The following GRID2 variants were observed in gnomAD, a reference collection of about 807,000 sequenced individuals.
GRID2 encodes the protein glutamate receptor ionotropic, delta-2.
Under a neutral mutation model 114.8 loss-of-function variants are expected in GRID2, and 33 were observed. The ratio of observed to expected loss-of-function variants is 0.29; its 90% CI spans 0.22 to 0.38. The LOEUF (loss-of-function observed/expected upper bound fraction) is 0.38, where lower values mean the gene tolerates loss of function less well. GRID2 is among the 10% of genes least tolerant of loss of function. GRID2 has a pLI of 1.00. For synonymous variants in GRID2, 505 were observed against 449.9 expected (o/e 1.12, Z -1.55); for missense variants, 1,184 against 1,257.7 (o/e 0.94, Z 0.89).
At chr4:92,822,362 C>T (rs899050544) in intron 2 of GRID2, 2 of 619,280 alleles carry the variant, frequency 3.2e-6, no homozygotes, top group Non-Finnish European at 3.1e-6. Context: ...GACTGTGTGG[C>T]CAAAGTGGTT....
chr4:92,783,434 G>T (rs1348062116), intron 2 of GRID2, among the ~76,000 whole-genome samples: 3 of 151,890 alleles, frequency 2.0e-5, no homozygotes, highest in Non-Finnish European at 2.9e-5. Context: ...ACATAATGAC[G>T]TAATAGAGGT....
At chr4:92,461,867 G>T (rs561066365) in intron 1 of GRID2, among the ~76,000 whole-genome samples, 1 of 152,046 alleles carries the variant, frequency 6.6e-6, no homozygotes, top group African/African-American at 2.4e-5. Flanking sequence ...TCCTAAGTGA[G>T]ATCTTCATCA....
intron 8 of GRID2, among the ~76,000 whole-genome samples, chr4:93,276,678 TGTGA>T (rs1752093593): frequency 1.3e-5 from 2 of 152,128 alleles, no homozygotes; most frequent in South Asian, 4.1e-4. Flanking sequence ...TTGATACTAT[TGTGA>T]GTGACATTGT....
chr4:92,868,058 TTCTTTCTTTCTGTCTGTCTGTCTG>T (rs1745016714), intron 2 of GRID2, among the ~76,000 whole-genome samples: 1 of 134,276 alleles, frequency 7.4e-6, no homozygotes, highest in South Asian at 2.5e-4. Flanking sequence ...CTTTCTTTCT[TTCTTTCTTTCTGTCTGTCTGTCTG>T]TCTGTCTTTC....
At chr4:93,701,093 G>C (rs914190927) in intron 14 of GRID2, among the ~76,000 whole-genome samples, 3 of 151,998 alleles carry the variant, frequency 2.0e-5, no homozygotes, top group African/African-American at 7.2e-5. Flanking sequence ...AGGAAGCTTT[G>C]TTCAGCCCAT....
intron 14 of GRID2, among the ~76,000 whole-genome samples, chr4:93,729,550 T>G (rs1450341181): frequency 6.6e-6 from 1 of 151,776 alleles, no homozygotes; most frequent in Admixed American, 6.5e-5. Context: ...GATAATCATT[T>G]TCTTTTTTTT....
chr4:92,739,209 A>T (rs1446880248), intron 2 of GRID2, among the ~76,000 whole-genome samples: 2 of 152,174 alleles, frequency 1.3e-5, no homozygotes, highest in Non-Finnish European at 2.9e-5. Flanking sequence ...ACAACTTTAG[A>T]TCATTACAGA....
At chr4:93,257,383 A>C (rs1749713923) in intron 8 of GRID2, among the ~76,000 whole-genome samples, 1 of 151,788 alleles carries the variant, frequency 6.6e-6, no homozygotes, top group Non-Finnish European at 1.5e-5. Context: ...ATTGGGTTTA[A>C]GATACCATTC....
intron 2 of GRID2, among the ~76,000 whole-genome samples, chr4:92,795,821 G>A (rs1323946634): frequency 1.3e-5 from 2 of 151,890 alleles, no homozygotes; most frequent in Non-Finnish European, 2.9e-5. Context: ...TCTCCATCAA[G>A]TTGTTTTCTG....
intron 12 of GRID2, among the ~76,000 whole-genome samples, chr4:93,501,443 T>C (rs1728098682): frequency 6.6e-6 from 1 of 152,080 alleles, no homozygotes; most frequent in Middle Eastern, 3.4e-3. Flanking sequence ...TAGGCTTAAC[T>C]CCAGAACACA....
intron 2 of GRID2, among the ~76,000 whole-genome samples, chr4:92,731,427 C>A (rs890722485): frequency 6.6e-6 from 1 of 151,872 alleles, no homozygotes; most frequent in African/African-American, 2.4e-5. Context: ...TCTGACTACT[C>A]TGAACCTTGG....
intron 9 of GRID2, among the ~76,000 whole-genome samples, chr4:93,400,138 A>C (rs911490133): frequency 1.3e-5 from 2 of 152,092 alleles, no homozygotes; most frequent in Non-Finnish European, 2.9e-5. Context: ...CCACTCTGAT[A>C]ATCTTCCTTC....
At chr4:93,703,767 T>C (rs1440984507) in intron 14 of GRID2, among the ~76,000 whole-genome samples, 3 of 151,564 alleles carry the variant, frequency 2.0e-5, no homozygotes, top group Admixed American at 1.3e-4. Context: ...GTCCTTGAGA[T>C]AGTTTGCTGA....
intron 8 of GRID2, among the ~76,000 whole-genome samples, chr4:93,246,985 G>C (rs148350399): frequency 1.3e-5 from 2 of 152,274 alleles, no homozygotes; most frequent in East Asian, 3.9e-4. Context: ...GTTACTCTGA[G>C]TTTCTGGAAG....
chr4:92,331,551 A>G (rs1726890657), intron 1 of GRID2, among the ~76,000 whole-genome samples: 1 of 152,208 alleles, frequency 6.6e-6, no homozygotes, highest in Non-Finnish European at 1.5e-5. Flanking sequence ...GAAAGGGAAT[A>G]CATGCAGACA....
At chr4:93,715,314 T>G (rs1245705547) in intron 14 of GRID2, among the ~76,000 whole-genome samples, 8 of 152,172 alleles carry the variant, frequency 5.3e-5, no homozygotes, top group Non-Finnish European at 1.5e-5. Context: ...ACCAGTACCA[T>G]GCTATTTTGG....
chr4:92,960,162 A>G (rs1194711438), intron 2 of GRID2, among the ~76,000 whole-genome samples: 3 of 152,012 alleles, frequency 2.0e-5, no homozygotes, highest in Non-Finnish European at 2.9e-5. Context: ...CAAATTTGTT[A>G]AAATATGTTT....
At chr4:93,580,129 A>G (rs2149592472) in intron 13 of GRID2, among the ~76,000 whole-genome samples, 1 of 152,368 alleles carries the variant, frequency 6.6e-6, no homozygotes, top group East Asian at 1.9e-4. Context: ...TTCAGTGAAT[A>G]TTGATGAAAA....
chr4:92,755,482 T>C (rs1467934946), intron 2 of GRID2, among the ~76,000 whole-genome samples: 1 of 152,126 alleles, frequency 6.6e-6, no homozygotes, highest in Non-Finnish European at 1.5e-5. Flanking sequence ...TGTCCTATTT[T>C]AAGTGGAGTT....
Sources: gnomAD v4.1 joint callset for allele counts (sites outside exome capture counted in the v4.1 genomes callset) on GRCh38, gnomAD v4.1.1 for gene constraint, MANE v1.5 for transcripts, NCBI Gene and HGNC (gene_info 2026-07-23, HGNC 2026-07-21) for gene names.